Variants in WWC2 observed in about 807,000 individuals in gnomAD.
WWC2 encodes protein WWC2.
In WWC2, 101 loss-of-function variants were observed where a neutral mutation model predicts 138.5. That is an observed-to-expected ratio of 0.73 (90% CI 0.62 to 0.86). The LOEUF (loss-of-function observed/expected upper bound fraction) is 0.86. Ranked by LOEUF, WWC2 falls within the 40% of genes least tolerant of loss-of-function variation. The pLI, the probability that WWC2 is intolerant of heterozygous loss-of-function variation, is 0.00. For missense variants in WWC2, 1,420 were observed against 1,419.4 expected, an observed-to-expected ratio of 1.00 and a Z score of -0.01; for synonymous variants, 558 against 538.4, an observed-to-expected ratio of 1.04 and a Z score of -0.50.
rs768675052 is a variant in WWC2 at position 183,099,557 on chromosome 4, C to T, written c.66C>T (p.Tyr22=). 4.9e-6 allele frequency: 7 copies of T among 1,422,524 alleles called. No homozygotes were observed. Among genetic ancestry groups the T allele is most frequent in the Admixed American group, 2.3e-5 (1 of 43,210 alleles). The allele number at this position is 1,422,524 out of a possible 1,614,324, so 88.1% of individuals were successfully genotyped here. A position where few individuals can be genotyped will look rare whatever the true frequency, so the allele number is the denominator to read the frequency against. Residue 22 remains tyrosine (Y), a synonymous_variant, in exon 1 of 23, where the codon TAC becomes TAT. Coordinates refer to ENST00000403733, the MANE Select transcript of WWC2 (RefSeq NM_024949.6). The part of the protein sequence containing the change: ...LPRGWEEARD[Y]DGKVFYIDHN... The stretch of plus-strand genomic sequence containing the variant: ...GGGGCTGGGAGGAGGCCAGGGACTA[C>T]GACGGCAAGGTCTTCTACATTGACC...
chr4:183,105,323 G>A (rs749712113), intron 1 of WWC2, among the ~76,000 whole-genome samples: 20 of 152,192 alleles, frequency 1.3e-4, no homozygotes, highest in Non-Finnish European at 2.8e-4. Flanking sequence ...CAGGAAAAGC[G>A]TGGAAGTTGT....
rs1228429528 is a variant in WWC2, at chr4:183,319,902, C to A, written c.*4173C>A. ...GAGATCTCTCTGACTCTCTCCAATT[C>A]TCAAACAGTCCAGGCCAAACCCAGA... On this transcript the variant is annotated 3_prime_UTR_variant, in exon 23 of 23. Coordinates refer to ENST00000403733, the MANE Select transcript of WWC2 (RefSeq NM_024949.6). 1.9e-6 allele frequency: 3 copies of A among 1,613,824 alleles called. No homozygotes were observed. Among genetic ancestry groups the A allele is most frequent in the Non-Finnish European group, 2.5e-6 (3 of 1,179,884 alleles).
rs1736579063 is a variant in WWC2 at position 183,240,381 on chromosome 4, TC to T, written c.602+120del. On this transcript the variant is annotated intron_variant, in intron 5 of 22. Transcript: ENST00000403733. ...TTAAAGAAACGTAAAGTAAAAAAGT[TC>T]AGAGCTCTACACCAAAAGAAAATAA... The T allele has an allele frequency of 5.1e-5, 32 of 627,066 alleles. No homozygotes were observed. In the South Asian group the frequency reaches 1.7e-3, roughly 33 times the overall value. The allele number at this position is 627,066 out of a possible 1,614,324, so 38.8% of individuals were successfully genotyped here. A position where few individuals can be genotyped will look rare whatever the true frequency, so the allele number is the denominator to read the frequency against.
intron 21 of WWC2, among the ~76,000 whole-genome samples, chr4:183,304,495 A>G (rs747222459): frequency 6.7e-4 from 102 of 152,290 alleles, no homozygotes; most frequent in Non-Finnish European, 1.0e-3. Flanking sequence ...GCCATTTGAA[A>G]CACACAAAAG....
chr4:183,249,834 T>G (rs1307985920), intron 7 of WWC2, 86 bp from the exon 8 acceptor site: 1 of 1,097,494 alleles, frequency 9.1e-7, no homozygotes, highest in Non-Finnish European at 1.3e-6. Context: ...AACTTTTCAA[T>G]TACACATACT....
chr4:183,156,065 C>T (rs150222968), intron 1 of WWC2, among the ~76,000 whole-genome samples: 38 of 151,904 alleles, frequency 2.5e-4, no homozygotes, highest in African/African-American at 8.4e-4. Context: ...CTTGCTCTGC[C>T]GCCCAGATTG....
intron 1 of WWC2, among the ~76,000 whole-genome samples, chr4:183,143,014 CAGAAG>C (rs1459088031): frequency 6.6e-6 from 1 of 152,202 alleles, no homozygotes; most frequent in African/African-American, 2.4e-5. Flanking sequence ...CTGTCACTGT[CAGAAG>C]AGAATCACCA....
intron 4 of WWC2, among the ~76,000 whole-genome samples, chr4:183,230,073 C>T (rs546356084): frequency 6.6e-6 from 1 of 152,186 alleles, no homozygotes; most frequent in African/African-American, 2.4e-5. Context: ...AATCTTCCTT[C>T]CTCGGCCTCT....
Position 183,319,498 on chromosome 4 carries a change from T to TAC in WWC2, c.*3770_*3771dup. 1 of 1,496,512 alleles carries TAC rather than the reference T, an allele frequency of 6.7e-7. No homozygotes were observed. Among genetic ancestry groups the TAC allele is most frequent in the African/African-American group, 1.4e-5 (1 of 71,304 alleles). 92.7% of individuals were successfully genotyped at this position (1,496,512 alleles called of 1,614,324 possible). On this transcript the variant is annotated 3_prime_UTR_variant, in exon 23 of 23. Transcript: ENST00000403733. ...GTGAGATGACTAGAGCGGGACATCC[T>TAC]ACCAAATCCAGTGTTGAGCAAGCGT... is the stretch of plus-strand genomic sequence containing the variant.
In WWC2 at chr4:183,259,623, T is replaced by A; in HGVS notation, c.1197-16T>A. On this transcript the variant is annotated splice_polypyrimidine_tract_variant and intron_variant, in intron 9 of 22. Coordinates refer to ENST00000403733, the MANE Select transcript of WWC2 (RefSeq NM_024949.6). ...TTTTGTTATAATCATTTGAAAATAA[T>A]TTTTTTTCTTCCTAGATTGAGATTG... is the stretch of plus-strand genomic sequence containing the variant. 1 of 1,472,784 alleles carries A rather than the reference T, an allele frequency of 6.8e-7. No homozygotes were observed. The highest frequency in any genetic ancestry group is 1.8e-4 in the Middle Eastern group (1 of 5,476). The allele number at this position is 1,472,784 out of a possible 1,614,324, so 91.2% of individuals were successfully genotyped here.
intron 5 of WWC2, among the ~76,000 whole-genome samples, chr4:183,241,485 T>C (rs915044903): frequency 3.9e-5 from 6 of 152,236 alleles, no homozygotes; most frequent in African/African-American, 1.4e-4. Flanking sequence ...TCATCCAGAC[T>C]CCTTTTTTCC....
chr4:183,148,077 G>A (rs958686117), intron 1 of WWC2, among the ~76,000 whole-genome samples: 3 of 152,132 alleles, frequency 2.0e-5, no homozygotes, highest in Non-Finnish European at 2.9e-5. Flanking sequence ...CTTATACTCT[G>A]CTTTACCTCC....
intron 16 of WWC2, among the ~76,000 whole-genome samples, chr4:183,276,217 A>G (rs1027839004): frequency 2.6e-5 from 4 of 152,034 alleles, no homozygotes; most frequent in African/African-American, 9.7e-5. Context: ...TTATATTTAA[A>G]GTATTCTACT....
chr4:183,280,241 T>G (rs989498421), intron 16 of WWC2, among the ~76,000 whole-genome samples: 5 of 147,958 alleles, frequency 3.4e-5, no homozygotes, highest in African/African-American at 7.5e-5. Context: ...TTTTTTTTTT[T>G]TTTTTTTTTT....
At chr4:183,194,632 T>A (rs993523372) in intron 2 of WWC2, among the ~76,000 whole-genome samples, 28 of 152,200 alleles carry the variant, frequency 1.8e-4, no homozygotes, top group African/African-American at 6.8e-4. Context: ...TACTCACTCA[T>A]TAGTGATGGC....
chr4:183,282,985 T>G (rs1738130729), intron 18 of WWC2, 79 bp downstream of exon 18: 24 of 1,374,054 alleles, frequency 1.7e-5, no homozygotes, highest in Admixed American at 2.8e-5. Flanking sequence ...GTTTGTCTCC[T>G]TAGGTGTAAA....
At chr4:183,171,925 A>G (rs1404866086) in intron 1 of WWC2, among the ~76,000 whole-genome samples, 2 of 152,052 alleles carry the variant, frequency 1.3e-5, no homozygotes, top group Non-Finnish European at 2.9e-5. Flanking sequence ...GGTGTTTTCT[A>G]TCACCTTGTA....
In WWC2 at chr4:183,315,701, T is replaced by G. The variant is rs1739410951; in HGVS notation, c.3551T>G (p.Ile1184Ser). The change falls in exon 23 of 23, where the codon ATC becomes AGC. Residue 1184 changes from isoleucine to serine, a missense_variant. Coordinates refer to ENST00000403733, the MANE Select transcript of WWC2 (RefSeq NM_024949.6). ...IAYFTRAKISIPSLPADDV is the reference protein window; with the variant it reads ...IAYFTRAKISSPSLPADDV ...TACTTCACCAGAGCAAAGATAAGCATCCCATCCCTGCCAGCTGATGATGTG... is the reference window on the plus strand; with the variant it reads ...TACTTCACCAGAGCAAAGATAAGCAGCCCATCCCTGCCAGCTGATGATGTG... 1 of 1,613,450 alleles carries G rather than the reference T, an allele frequency of 6.2e-7. No individual in the cohort carries two copies.
chr4:183,275,721 T>C (rs1337788215), intron 16 of WWC2, among the ~76,000 whole-genome samples: 1 of 152,170 alleles, frequency 6.6e-6, no homozygotes, highest in Non-Finnish European at 1.5e-5. Context: ...TTCAGGATTT[T>C]CGTGTCTGTA....
Sources: gnomAD v4.1 joint callset for allele counts (sites outside exome capture counted in the v4.1 genomes callset) on GRCh38, gnomAD v4.1.1 for gene constraint, MANE v1.5 for transcripts, NCBI Gene and HGNC (gene_info 2026-07-23, HGNC 2026-07-21) for gene names.